BMP2K: variants seen among roughly 807,000 people sequenced by gnomAD.
The protein encoded by BMP2K is BMP2 inducible kinase, also known as BMP-2-inducible protein kinase.
In BMP2K, 74 loss-of-function variants were observed where a neutral mutation model predicts 116.0. The observed-to-expected ratio is 0.64, with a 90% confidence interval of 0.53 to 0.77. The LOEUF is 0.77. BMP2K is among the 30% of genes least tolerant of loss of function. BMP2K has a pLI of 0.00. For missense variants in BMP2K, 1,365 were observed against 1,403.6 expected, an observed-to-expected ratio of 0.97 and a Z score of 0.44; for synonymous variants, 486 against 502.5, an observed-to-expected ratio of 0.97 and a Z score of 0.44.
intron 3 of BMP2K, 26 bp downstream of exon 3, chr4:78,833,713 G>A: frequency 2.0e-6 from 3 of 1,509,170 alleles, no homozygotes; most frequent in Non-Finnish European, 2.7e-6. Context: ...CATTTGTACT[G>A]TAATAAAAAG....
intron 7 of BMP2K, among the ~76,000 whole-genome samples, chr4:78,851,685 C>T (rs1731257768): frequency 6.7e-6 from 1 of 149,076 alleles, no homozygotes; most frequent in Non-Finnish European, 1.5e-5. Context: ...TCAACTTTCT[C>T]AGCCGTTTGT....
chr4:78,776,794 C>G, intron 1 of BMP2K, 73 bp downstream of exon 1: 1 of 1,180,868 alleles, frequency 8.5e-7, no homozygotes, highest in Non-Finnish European at 1.1e-6. Flanking sequence ...TCTCCGGGTC[C>G]TCGCCCTCCG....
intron 3 of BMP2K, among the ~76,000 whole-genome samples, chr4:78,838,862 T>C (rs1730619095): frequency 6.6e-6 from 1 of 152,228 alleles, no homozygotes; most frequent in Non-Finnish European, 1.5e-5. Flanking sequence ...ACTGCTTTAT[T>C]TGCTAATATT....
intron 3 of BMP2K, among the ~76,000 whole-genome samples, chr4:78,836,085 A>C (rs564739633): frequency 2.0e-5 from 3 of 151,500 alleles, no homozygotes; most frequent in East Asian, 1.9e-4. Context: ...AATTTTCTTC[A>C]TGTATATTAA....
In BMP2K at chr4:78,861,604, A is replaced by G. The variant is rs1731793731; in HGVS notation, c.1067+136A>G. 8.4e-6 allele frequency: 6 copies of G among 712,578 alleles called. No individual in the cohort carries two copies. The South Asian group carries it at 1.1e-4, about 13-fold the overall frequency. 44.1% of individuals were successfully genotyped at this position (712,578 alleles called of 1,614,324 possible). ...TGTGTTGCTTATTGTATGTGGTATA[A>G]TTGAGATAGCAAATACAAAATAAGC... On this transcript the variant is annotated intron_variant, in intron 9 of 15. Transcript: ENST00000502613.
rs564614859 is a variant in BMP2K at position 78,865,517 on chromosome 4, A to C, written c.1068-40A>C. ...ATAGAATAAATAGTAAATTAGAAAT[A>C]ATCCCAGTATTTAGAATGAAATATA... On this transcript the variant is annotated intron_variant, in intron 9 of 15. Transcript: ENST00000502613. 56 of 1,576,008 alleles carry C rather than the reference A, an allele frequency of 3.6e-5. 1 individual carries two copies. The South Asian group carries it at 5.8e-4, about 16-fold the overall frequency.
intron 1 of BMP2K, among the ~76,000 whole-genome samples, chr4:78,794,381 A>G (rs1275215429): frequency 1.3e-5 from 2 of 152,214 alleles, no homozygotes; most frequent in African/African-American, 4.8e-5. Context: ...AGAATCACAT[A>G]TAAGACTGTT....
At chr4:78,849,811 T>C (rs992893974) in intron 6 of BMP2K, among the ~76,000 whole-genome samples, 3 of 151,736 alleles carry the variant, frequency 2.0e-5, no homozygotes, top group African/African-American at 7.2e-5. Context: ...CTGTTTTCAT[T>C]GGACCATTGC....
At chr4:78,836,343 G>A (rs369988819) in intron 3 of BMP2K, among the ~76,000 whole-genome samples, 12 of 151,988 alleles carry the variant, frequency 7.9e-5, no homozygotes, top group African/African-American at 2.9e-4. Flanking sequence ...CGTGAACCGG[G>A]GAGGTGGAGG....
chr4:78,795,888 A>ATT (rs1560503120), intron 1 of BMP2K, among the ~76,000 whole-genome samples: 1 of 151,892 alleles, frequency 6.6e-6, no homozygotes. Context: ...AAGTCAGGAA[A>ATT]CAACAGGTGC....
intron 2 of BMP2K, among the ~76,000 whole-genome samples, chr4:78,833,143 A>G (rs1212400262): frequency 6.6e-6 from 1 of 152,038 alleles, no homozygotes; most frequent in Non-Finnish European, 1.5e-5. Context: ...TTAGAAGTGC[A>G]TGTGTCTATA....
chr4:78,852,399 G>A (rs887505577), intron 7 of BMP2K, among the ~76,000 whole-genome samples: 2 of 151,998 alleles, frequency 1.3e-5, no homozygotes, highest in African/African-American at 4.8e-5. Flanking sequence ...AATAACAAAA[G>A]GTTGAAAAAA....
At chr4:78,861,341 A>G (rs1731775694) in intron 8 of BMP2K, 48 bp from the exon 9 acceptor site, 1 of 1,473,706 alleles carries the variant, frequency 6.8e-7, no homozygotes, top group Non-Finnish European at 9.2e-7. Flanking sequence ...ACTTTCTGCA[A>G]TTAAAATAAA....
intron 15 of BMP2K, among the ~76,000 whole-genome samples, chr4:78,900,787 T>C (rs1733955951): frequency 6.6e-6 from 1 of 152,214 alleles, no homozygotes; most frequent in African/African-American, 2.4e-5. Context: ...CTGGGAAAGT[T>C]AAATTTATAA....
Position 78,779,206 on chromosome 4 carries a change from A to AT in BMP2K, c.178+2490dup, listed in dbSNP as rs569984399. ...ATTCCTGAAAGCTGCTGTTCACAACATTTTTGTCAACTGATCAAGATACAA... is the reference window on the plus strand; with the variant it reads ...ATTCCTGAAAGCTGCTGTTCACAACATTTTTTGTCAACTGATCAAGATACAA... On this transcript the variant is annotated intron_variant, in intron 1 of 15. Coordinates refer to ENST00000502613, the MANE Select transcript of BMP2K (RefSeq NM_198892.2). 3.5e-4 allele frequency among the ~76,000 whole-genome samples: 53 copies of AT among 152,316 alleles called. No individual in the cohort carries two copies. In the South Asian group the frequency reaches 0.011, roughly 30 times the overall value.
intron 3 of BMP2K, among the ~76,000 whole-genome samples, chr4:78,837,648 TC>T (rs1229088061): frequency 6.6e-6 from 1 of 152,188 alleles, no homozygotes; most frequent in Non-Finnish European, 1.5e-5. Flanking sequence ...TTTCTTTCTT[TC>T]CACCCCTGAC....
chr4:78,837,353 T>C (rs6844426), intron 3 of BMP2K, among the ~76,000 whole-genome samples: 26,003 of 151,660 alleles, frequency 0.17, 4,531 homozygotes, highest in African/African-American at 0.45. Flanking sequence ...CACCACCACA[T>C]CTGACTAATT....
chr4:78,852,782 T>A (rs1731321942), intron 7 of BMP2K, among the ~76,000 whole-genome samples: 1 of 152,104 alleles, frequency 6.6e-6, no homozygotes, highest in South Asian at 2.1e-4. Context: ...ATTTTTAAAT[T>A]TTTGTAGAGA....
chr4:78,864,197 G>A (rs1046340015), intron 9 of BMP2K, among the ~76,000 whole-genome samples: 14 of 152,038 alleles, frequency 9.2e-5, no homozygotes, highest in African/African-American at 3.4e-4. Context: ...CCAGCAACAA[G>A]GCAACATCAG....
Sources: allele counts gnomAD v4.1 joint callset (sites outside exome capture counted in the v4.1 genomes callset), GRCh38; gene constraint gnomAD v4.1.1; transcripts MANE v1.5; gene names NCBI Gene and HGNC (gene_info 2026-07-23, HGNC 2026-07-21).